The following UTP6 variants were observed in gnomAD, a reference collection of about 807,000 sequenced individuals.
The protein encoded by UTP6 is U3 small nucleolar RNA-associated protein 6 homolog.
UTP6 carries 60 observed loss-of-function variants against 96.5 expected under a neutral mutation model. The observed-to-expected ratio is 0.62, with a 90% confidence interval of 0.51 to 0.77. The LOEUF is 0.77. UTP6 is among the 30% of genes least tolerant of loss of function. UTP6 has a pLI of 0.00. For synonymous variants in UTP6, 215 were observed against 240.1 expected, an observed-to-expected ratio of 0.90 and a Z score of 0.96; for missense variants, 637 against 706.5, an observed-to-expected ratio of 0.90 and a Z score of 1.12.
In UTP6 at chr17:31,885,317, G is replaced by A. The variant is rs1034301213; in HGVS notation, c.703+663C>T. On this transcript the variant is annotated intron_variant, in intron 9 of 18. Transcript: ENST00000261708. ...CCACCACCACACCCAGCTAATTTTT[G>A]TATTTTTAGTAGAAATGGGGTTTCA... 4.0e-5 allele frequency among the ~76,000 whole-genome samples: 6 copies of A among 151,394 alleles called. No homozygotes were observed. The South Asian group carries it at 1.1e-3, about 27-fold the overall frequency.
In UTP6 at chr17:31,901,670, G is replaced by C; in HGVS notation, c.-43C>G. ...ACCCCGCGGGTAGCTTCTCAACAGC[G>C]AACACGAGCAGGAAGCTCCCGGTTT... On this transcript the variant is annotated 5_prime_UTR_variant, in exon 1 of 19. Transcript: ENST00000261708. The C allele has an allele frequency of 6.3e-7, 1 of 1,592,122 alleles. No homozygotes were observed. The highest frequency in any genetic ancestry group is 2.2e-5 in the East Asian group (1 of 44,782).
At chr17:31,883,134 G>C (rs1391277736) in intron 10 of UTP6, among the ~76,000 whole-genome samples, 1 of 151,738 alleles carries the variant, frequency 6.6e-6, no homozygotes, top group Non-Finnish European at 1.5e-5. Context: ...AGGAATTCAA[G>C]ATCAACCTGG....
chr17:31,889,472 G>T, intron 6 of UTP6, 69 bp from the exon 7 acceptor site: 19 of 1,112,124 alleles, frequency 1.7e-5, no homozygotes, highest in East Asian at 2.6e-5. Flanking sequence ...AGAACCAAAT[G>T]ATCCAATTTT....
rs1404937381 is a variant in UTP6, at chr17:31,892,262, G to A, written c.422C>T (p.Pro141Leu). Reference protein sequence around the residue: ...SAMLAIHSNKPALWIMAAKWE... With the variant: ...SAMLAIHSNKLALWIMAAKWE... ...AATTGACAAAGATTTCACCATACCT[G>A]GTTTGTTGGAATGAATCGCCAACAT... Residue 141 changes from proline to leucine, a missense_variant and splice_region_variant, in exon 6 of 19, where the codon CCA becomes CTA. Pro to Leu is a moderately conservative substitution (Grantham distance 98). Transcript: ENST00000261708. 3.7e-6 allele frequency: 6 copies of A among 1,614,022 alleles called. No individual in the cohort carries two copies. Among genetic ancestry groups the A allele is most frequent in the Non-Finnish European group, 5.1e-6 (6 of 1,179,974 alleles).
rs367888410 is a variant in UTP6 at position 31,878,229 on chromosome 17, A to G, written c.1125+21T>C. On this transcript the variant is annotated intron_variant, in intron 13 of 18. Transcript: ENST00000261708. ...ATAAGGTATTTGTAACTGGCACAGA[A>G]TATTTTCTCTATGTTCTTACCAACT... 15 of 1,612,552 alleles carry G rather than the reference A, an allele frequency of 9.3e-6. No homozygotes were observed. In the Admixed American group the frequency reaches 1.0e-4, roughly 11 times the overall value.
At chr17:31,866,886 TCAAAA>T (rs1909856647) in intron 17 of UTP6, among the ~76,000 whole-genome samples, 1 of 1,076 alleles carries the variant, frequency 9.3e-4, no homozygotes, top group African/African-American at 3.7e-3. Context: ...GACTCTTGTC[TCAAAA>T]AAAAAAAAAA....
At chr17:31,888,976 G>T (rs1278293268) in intron 7 of UTP6, among the ~76,000 whole-genome samples, 1 of 151,992 alleles carries the variant, frequency 6.6e-6, no homozygotes, top group African/African-American at 2.4e-5. Context: ...GAAGGCTGAG[G>T]CAGGAGAATG....
At chr17:31,900,183 C>A (rs552529055) in intron 1 of UTP6, among the ~76,000 whole-genome samples, 1 of 152,114 alleles carries the variant, frequency 6.6e-6, no homozygotes, top group Non-Finnish European at 1.5e-5. Context: ...CTTTTGTGTT[C>A]TTAAGGGTTC....
At chr17:31,877,167 T>C (rs1910545922) in intron 13 of UTP6, among the ~76,000 whole-genome samples, 3 of 152,172 alleles carry the variant, frequency 2.0e-5, no homozygotes, top group African/African-American at 7.2e-5. Flanking sequence ...GCAAGAGTCA[T>C]GAAAGTGCTC....
chr17:31,873,974 C>T, intron 14 of UTP6: 1 of 489,876 alleles, frequency 2.0e-6, no homozygotes, highest in Non-Finnish European at 3.5e-6. Flanking sequence ...TGACAGAATT[C>T]TCATTGCCCA....
chr17:31,867,302 GT>G (rs1414137080), intron 17 of UTP6, among the ~76,000 whole-genome samples: 7 of 152,012 alleles, frequency 4.6e-5, no homozygotes, highest in African/African-American at 1.7e-4. Flanking sequence ...GAAGTCAGGA[GT>G]TTGAGACCAG....
intron 13 of UTP6, 57 bp downstream of exon 13, chr17:31,878,191 CAA>C: frequency 6.4e-7 from 1 of 1,568,784 alleles, no homozygotes; most frequent in Non-Finnish European, 8.8e-7. Flanking sequence ...GACTCTGGCA[CAA>C]AACAACTGGA....
intron 6 of UTP6, 110 bp downstream of exon 6, chr17:31,892,150 T>G: frequency 8.0e-7 from 1 of 1,247,864 alleles, no homozygotes. Flanking sequence ...GCCAACTGCC[T>G]AAGCTCAAGT....
At chr17:31,865,647 G>T (rs1598091673) in intron 17 of UTP6, among the ~76,000 whole-genome samples, 1 of 152,236 alleles carries the variant, frequency 6.6e-6, no homozygotes, top group Admixed American at 6.6e-5. Flanking sequence ...GCACTTTGCT[G>T]TAGTAGCATG....
At chr17:31,880,978 C>T (rs150738902) in intron 10 of UTP6, among the ~76,000 whole-genome samples, 1,930 of 152,166 alleles carry the variant, frequency 0.013, 18 homozygotes, top group Non-Finnish European at 0.019. Flanking sequence ...GAGTTCGAGA[C>T]CAGCCTGACC....
At chr17:31,894,529 G>C (rs1408642247) in intron 4 of UTP6, 116 bp downstream of exon 4, 2 of 704,214 alleles carry the variant, frequency 2.8e-6, no homozygotes, top group Admixed American at 2.9e-5. Context: ...ACCATCATTA[G>C]AGTAAGTATA....
At chr17:31,870,745 G>T (rs1910117489) in intron 16 of UTP6, among the ~76,000 whole-genome samples, 1 of 151,734 alleles carries the variant, frequency 6.6e-6, no homozygotes, top group Non-Finnish European at 1.5e-5. Flanking sequence ...GGATGGTCTC[G>T]ATCTCCTGAC....
At chr17:31,867,659 A>C (rs904323987) in intron 17 of UTP6, among the ~76,000 whole-genome samples, 1 of 152,040 alleles carries the variant, frequency 6.6e-6, no homozygotes, top group Admixed American at 6.6e-5. Context: ...AGCTTTTTAC[A>C]TAACAAAACA....
rs1207359709 is a variant in UTP6, at chr17:31,865,447, G to A, written c.1564-9C>T. On this transcript the variant is annotated splice_polypyrimidine_tract_variant and intron_variant, in intron 17 of 18. Transcript: ENST00000261708. ...GCCATATTGCAGGATTCCTGACAAA[G>A]ATAGACAATCTTGTCTCAAAAGCCT... 7 of 1,613,100 alleles carry A rather than the reference G, an allele frequency of 4.3e-6. No individual in the cohort carries two copies. The South Asian group carries it at 6.6e-5, about 15-fold the overall frequency.
Sources: allele counts gnomAD v4.1 joint callset (sites outside exome capture counted in the v4.1 genomes callset), GRCh38; gene constraint gnomAD v4.1.1; transcripts MANE v1.5; gene names NCBI Gene and HGNC (gene_info 2026-07-23, HGNC 2026-07-21).